The following ATP6V1B2 variants were observed in gnomAD, a reference collection of about 807,000 sequenced individuals.
The protein encoded by ATP6V1B2 is ATPase H+ transporting V1 subunit B2, also known as V-type proton ATPase subunit B, brain isoform.
In ATP6V1B2, 23 loss-of-function variants were observed where a neutral mutation model predicts 66.7. That is an observed-to-expected ratio of 0.34 (90% CI 0.25 to 0.49). The LOEUF is 0.49. Ranked by LOEUF, ATP6V1B2 falls within the 20% of genes least tolerant of loss-of-function variation. The pLI is 0.99. For synonymous variants in ATP6V1B2, 278 were observed against 236.7 expected, an observed-to-expected ratio of 1.17 and a Z score of -1.60; for missense variants, 478 against 650.8, an observed-to-expected ratio of 0.73 and a Z score of 2.89.
Position 20,217,233 on chromosome 8 carries a change from T to C in ATP6V1B2, c.1175T>C (p.Ile392Thr). ...QLHNRQIYPP[I>T]NVLPSLSRLM... ...ATTCTACCCAAGATTTATCCACCTA[T>C]CAATGTGCTGCCCTCACTATCACGG... Residue 392 changes from isoleucine (I) to threonine (T), a missense_variant, in exon 12 of 14, where the codon ATC (isoleucine) becomes ACC (threonine). Around this residue, in one of 2 missense-constraint regions of ATP6V1B2, gnomAD observed 326 missense variants for 545.6 expected, o/e 0.60. Coordinates refer to ENST00000276390, the MANE Select transcript of ATP6V1B2 (RefSeq NM_001693.4). 6.2e-7 allele frequency: 1 copy of C among 1,612,600 alleles called. No homozygotes were observed. Among genetic ancestry groups the C allele is most frequent in the Non-Finnish European group, 8.5e-7 (1 of 1,178,730 alleles).
At chr8:20,214,443 A>G (rs762907089) in intron 9 of ATP6V1B2, 66 of 157,972 alleles carry the variant, frequency 4.2e-4, no homozygotes, top group Non-Finnish European at 1.8e-4. Context: ...TTTTGGGATT[A>G]GGTTAGATAA....
chr8:20,202,418 A>G (rs955205840), intron 1 of ATP6V1B2, among the ~76,000 whole-genome samples: 2 of 152,246 alleles, frequency 1.3e-5, no homozygotes, highest in Non-Finnish European at 2.9e-5. Flanking sequence ...TTAAATGAGA[A>G]TTCCTGAAAA....
At position 20,212,112 on chromosome 8, in the gene ATP6V1B2, A is replaced by T; in HGVS notation, c.716A>T (p.Glu239Val). The T allele has an allele frequency of 1.2e-6, 2 of 1,613,498 alleles. No individual in the cohort carries two copies. The highest frequency in any genetic ancestry group is 1.7e-6 in the Non-Finnish European group (2 of 1,179,682). The part of the protein sequence containing the change: ...IVFAAMGVNM[E>V]TARFFKSDFE... ...GTTATTGTTATTTAGGTAAACATGG[A>T]AACTGCCCGGTTCTTCAAATCTGAC... The change falls in exon 8 of 14, where the codon GAA becomes GTA. Residue 239 changes from glutamate (E) to valine (V), a missense_variant. Glu to Val is a moderately radical substitution (Grantham distance 121). This residue lies in a region of ATP6V1B2 where 326 missense variants were observed against 545.6 expected (regional missense o/e 0.60). Transcript: ENST00000276390.
At chr8:20,215,064 T>G in intron 10 of ATP6V1B2, 96 bp downstream of exon 10, 1 of 1,321,322 alleles carries the variant, frequency 7.6e-7, no homozygotes, top group South Asian at 1.5e-5. Context: ...TGAGAACACA[T>G]CCCCTAAGAG....
At chr8:20,218,024 G>A (rs1272517872) in intron 12 of ATP6V1B2, 129 bp from the exon 13 acceptor site, 19 of 1,245,550 alleles carry the variant, frequency 1.5e-5, no homozygotes, top group East Asian at 5.0e-5. Context: ...TGAATTTTAT[G>A]TGAATTGTTT....
intron 10 of ATP6V1B2, chr8:20,215,904 G>T (rs2072849953): frequency 6.6e-6 from 1 of 152,494 alleles, no homozygotes; most frequent in Non-Finnish European, 1.5e-5. Flanking sequence ...ATCCGACATA[G>T]CTTATGAACT....
chr8:20,214,901 C>T lies in ATP6V1B2; in HGVS notation c.1011C>T (p.Arg337=), dbSNP rs550598553. The T allele has an allele frequency of 1.3e-5, 21 of 1,613,556 alleles. No homozygotes were observed. The highest frequency in any genetic ancestry group is 2.2e-5 in the East Asian group (1 of 44,844). ...CAGATTTAGCCACGATATATGAACG[C>T]GCTGGGCGAGTGGAAGGGAGAAACG... ...MYTDLATIYE[R]AGRVEGRNGS... The change falls in exon 10 of 14, where the codon CGC becomes CGT. Residue 337 remains arginine, a synonymous_variant. Transcript: ENST00000276390.
Position 20,220,471 on chromosome 8 carries a change from C to T in ATP6V1B2, c.*69C>T. On this transcript the variant is annotated 3_prime_UTR_variant, in exon 14 of 14. Transcript: ENST00000276390. Reference sequence around the variant, plus strand: ...CTGTTTTCTTTATTCCTTTTGCACTCTCGGTTCCCACCTTTGTGTTGGAGT... The same window carrying T: ...CTGTTTTCTTTATTCCTTTTGCACTTTCGGTTCCCACCTTTGTGTTGGAGT... The T allele has an allele frequency of 1.4e-6, 2 of 1,469,300 alleles. No homozygotes were observed. The highest frequency in any genetic ancestry group is 1.8e-6 in the Non-Finnish European group (2 of 1,113,060). The allele number at this position is 1,469,300 out of a possible 1,614,324, so 91.0% of individuals were successfully genotyped here.
intron 11 of ATP6V1B2, 112 bp from the exon 12 acceptor site, chr8:20,217,108 C>T (rs1207933437): frequency 1.3e-5 from 11 of 860,864 alleles, no homozygotes; most frequent in Admixed American, 2.0e-5. Context: ...ACAAATGCAG[C>T]GGTTGTCTTT....
intron 1 of ATP6V1B2, among the ~76,000 whole-genome samples, chr8:20,198,058 T>C (rs2072646906): frequency 6.6e-6 from 1 of 152,076 alleles, no homozygotes; most frequent in Non-Finnish European, 1.5e-5. Context: ...CAGAGGGAGA[T>C]GTGGCTTGGT....
In ATP6V1B2 at chr8:20,220,398, A is replaced by G; in HGVS notation, c.1532A>G (p.His511Arg). The G allele has an allele frequency of 6.4e-7, 1 of 1,569,146 alleles. No homozygotes were observed. The stretch of plus-strand genomic sequence containing the variant: ...TTTTACCCTCGAGACTCTGCAAAGC[A>G]TTAGCTGCTGCTTCTGCATTGCTCC... ...SEFYPRDSAK[H>R] Residue 511 changes from histidine to arginine, a missense_variant, in exon 14 of 14, where the codon CAT becomes CGT. Around this residue, in one of 2 missense-constraint regions of ATP6V1B2, gnomAD observed 326 missense variants for 545.6 expected, o/e 0.60. Coordinates refer to ENST00000276390, the MANE Select transcript of ATP6V1B2 (RefSeq NM_001693.4).
At chr8:20,214,390 G>C (rs552860013) in intron 9 of ATP6V1B2, 5 of 153,546 alleles carry the variant, frequency 3.3e-5, no homozygotes, top group African/African-American at 1.2e-4. Context: ...GTTGTAAAGC[G>C]CAGCAGATGA....
intron 8 of ATP6V1B2, 103 bp downstream of exon 8, chr8:20,212,302 C>A: frequency 2.8e-6 from 3 of 1,053,016 alleles, no homozygotes; most frequent in Non-Finnish European, 4.3e-6. Context: ...TTGGACCTAA[C>A]AATGAGGTAA....
At chr8:20,210,468 A>T in intron 4 of ATP6V1B2, 29 bp downstream of exon 4, 1 of 1,609,430 alleles carries the variant, frequency 6.2e-7, no homozygotes, top group Non-Finnish European at 8.5e-7. Context: ...TTCTAAGCCG[A>T]GATCTGTTTC....
At chr8:20,205,312 A>G (rs929338860) in intron 2 of ATP6V1B2, among the ~76,000 whole-genome samples, 2 of 152,220 alleles carry the variant, frequency 1.3e-5, no homozygotes, top group Admixed American at 1.3e-4. Context: ...TTTGGGCTCA[A>G]TTGTGTTAAG....
intron 5 of ATP6V1B2, 51 bp from the exon 6 acceptor site, chr8:20,211,126 C>A: frequency 1.9e-6 from 3 of 1,585,156 alleles, no homozygotes; most frequent in Non-Finnish European, 2.6e-6. Context: ...TAATTTCATT[C>A]ATGAATAATG....
intron 2 of ATP6V1B2, among the ~76,000 whole-genome samples, chr8:20,205,337 C>A (rs1228223572): frequency 6.6e-6 from 1 of 152,064 alleles, no homozygotes; most frequent in African/African-American, 2.4e-5. Context: ...GAGCCCAGTA[C>A]AGAAAATATA....
At chr8:20,203,213 G>T (rs1202250084) in intron 1 of ATP6V1B2, among the ~76,000 whole-genome samples, 3 of 152,106 alleles carry the variant, frequency 2.0e-5, no homozygotes, top group Non-Finnish European at 4.4e-5. Context: ...GTTCAGTTGG[G>T]GGGCCTCTAT....
chr8:20,202,879 T>A (rs921716254), intron 1 of ATP6V1B2, among the ~76,000 whole-genome samples: 3 of 152,240 alleles, frequency 2.0e-5, no homozygotes, highest in African/African-American at 7.2e-5. Context: ...TCTACGTTTC[T>A]GCATTTCTGA....
Sources: gnomAD v4.1 joint callset for allele counts (sites outside exome capture counted in the v4.1 genomes callset) on GRCh38, gnomAD v4.1.1 for gene constraint, gnomAD v4.1.1 regional missense constraint, MANE v1.5 for transcripts, NCBI Gene and HGNC (gene_info 2026-07-23, HGNC 2026-07-21) for gene names.